VSIG1: variants seen among roughly 807,000 people sequenced by gnomAD.
The protein encoded by VSIG1 is V-set and immunoglobulin domain-containing protein 1.
A neutral mutation model predicts 20.1 loss-of-function variants in VSIG1; 11 were observed. That is an observed-to-expected ratio of 0.55 (90% CI 0.34 to 0.91). The LOEUF is 0.91. VSIG1 is among the 40% of genes least tolerant of loss of function. VSIG1 has a pLI of 0.02. For synonymous variants in VSIG1, 126 were observed against 116.7 expected (o/e 1.08, Z -0.52); for missense variants, 283 against 298.8 (o/e 0.95, Z 0.39).
At chrX:108,043,679 C>A (rs779601897), upstream of VSIG1, among the ~76,000 whole-genome samples, 2 of 111,611 alleles carry the variant, frequency 1.8e-5, no homozygotes, top group African/African-American at 6.5e-5. Context: ...CAGACATGAG[C>A]ATGGACAGGA....
intron 3 of VSIG1, among the ~76,000 whole-genome samples, chrX:108,067,758 G>A (rs1284215890): frequency 8.9e-6 from 1 of 112,277 alleles, no homozygotes; most frequent in East Asian, 2.8e-4. Flanking sequence ...TTACAGTGAT[G>A]GAGGTGTTGT....
At chrX:108,039,397 G>A in the VSIG1 span, among the ~76,000 whole-genome samples, 1 of 110,495 alleles carries the variant, frequency 9.1e-6, no homozygotes, top group South Asian at 3.9e-4. Flanking sequence ...GTTTCATCAC[G>A]TTGGCCAGGC....
chrX:108,068,544 GTC>G (rs1308189745), intron 3 of VSIG1, among the ~76,000 whole-genome samples: 17 of 111,675 alleles, frequency 1.5e-4, no homozygotes, highest in Non-Finnish European at 2.6e-4. Flanking sequence ...GAGGCAAGAT[GTC>G]TCACATGGCT....
At chrX:108,023,382 T>G in the VSIG1 span, among the ~76,000 whole-genome samples, 1 of 112,231 alleles carries the variant, frequency 8.9e-6, no homozygotes, top group African/African-American at 3.2e-5. Context: ...ATTTTGTGTC[T>G]ATATTCATAA....
the VSIG1 span, among the ~76,000 whole-genome samples, chrX:108,022,544 CT>C: frequency 1.8e-5 from 2 of 111,399 alleles, no homozygotes; most frequent in African/African-American, 6.5e-5. Context: ...CTTTCTTTTT[CT>C]TGTCTAATTT....
the VSIG1 span, among the ~76,000 whole-genome samples, chrX:108,023,458 T>C: frequency 8.9e-6 from 1 of 112,208 alleles, no homozygotes; most frequent in Non-Finnish European, 1.9e-5. Context: ...GCTGGCCTCA[T>C]AGAATGAATT....
intron 1 of VSIG1, among the ~76,000 whole-genome samples, chrX:108,047,965 T>TATATATATATATACAC (rs1569287456): frequency 0.026 from 488 of 18,663 alleles, 46 homozygotes; most frequent in Non-Finnish European, 0.039. Flanking sequence ...CACACACATA[T>TATATATATATATACAC]ATATATATAT....
In VSIG1 at chrX:108,077,353, A is replaced by G. The variant is rs2147937975; in HGVS notation, c.1136A>G (p.Glu379Gly). The G allele has an allele frequency of 2.5e-6, 3 of 1,211,906 alleles. No homozygotes were observed. The highest frequency in any genetic ancestry group is 3.4e-6 in the Non-Finnish European group (3 of 895,499). The change falls in exon 7 of 7, where the codon GAA becomes GGA. Residue 379 changes from glutamate to glycine, a missense_variant. By Grantham distance (98) the Glu-to-Gly change is moderately conservative (BLOSUM62 -2). Coordinates refer to ENST00000217957, the MANE Select transcript of VSIG1 (RefSeq NM_182607.5). The part of the protein sequence containing the change: ...EPGVVVEPLS[E>G]DEKGVVKA ...GGGGTTGTAGTTGAGCCCTTAAGTG[A>G]AGATGAAAAGGGAGTGGTTAAGGCA...
chrX:108,048,781 C>A (rs1392647267), intron 1 of VSIG1, among the ~76,000 whole-genome samples: 1 of 112,140 alleles, frequency 8.9e-6, no homozygotes, highest in African/African-American at 3.2e-5. Context: ...AAAGTCAGTT[C>A]CTCAGTTTCA....
intron 1 of VSIG1, among the ~76,000 whole-genome samples, chrX:108,047,973 T>TATATACAC (rs2030688820): frequency 1.2e-4 from 7 of 59,655 alleles, no homozygotes; most frequent in Non-Finnish European, 1.8e-4. Context: ...TATATATATA[T>TATATACAC]ATATATATAT....
upstream of VSIG1, among the ~76,000 whole-genome samples, chrX:108,040,753 C>T (rs1366140043): frequency 1.8e-5 from 2 of 111,956 alleles, no homozygotes; most frequent in Non-Finnish European, 3.8e-5. Context: ...TCTATAGATG[C>T]AGCTGGACCT....
intron 1 of VSIG1, among the ~76,000 whole-genome samples, chrX:108,052,216 C>T (rs1402719605): frequency 2.7e-5 from 3 of 110,853 alleles, no homozygotes; most frequent in South Asian, 7.7e-4. Context: ...AACTTATCCA[C>T]GTAACCAAAC....
At chrX:108,047,821 CAT>C (rs1206929017) in intron 1 of VSIG1, among the ~76,000 whole-genome samples, 1 of 43,900 alleles carries the variant, frequency 2.3e-5, no homozygotes, top group Non-Finnish European at 4.0e-5. Context: ...TATATATATA[CAT>C]ATATATACAC....
chrX:108,046,476 A>C (rs1461060936), intron 1 of VSIG1, among the ~76,000 whole-genome samples: 1 of 111,041 alleles, frequency 9.0e-6, no homozygotes, highest in East Asian at 2.8e-4. Flanking sequence ...CAGCCCTCTA[A>C]GATCATACCT....
intron 1 of VSIG1, among the ~76,000 whole-genome samples, chrX:108,055,236 C>G (rs1248707631): frequency 9.0e-6 from 1 of 111,239 alleles, no homozygotes; most frequent in African/African-American, 3.3e-5. Context: ...TCCAAAGCAG[C>G]AAACTACTAG....
At chrX:108,072,575 TAAAC>T in intron 3 of VSIG1, 98 bp from the exon 4 acceptor site, 1 of 870,641 alleles carries the variant, frequency 1.1e-6, no homozygotes, top group Non-Finnish European at 1.6e-6. Context: ...TAAAAATAAA[TAAAC>T]ACACATATTA....
At chrX:108,034,695 T>C in the VSIG1 span, among the ~76,000 whole-genome samples, 1 of 112,469 alleles carries the variant, frequency 8.9e-6, no homozygotes, top group South Asian at 3.7e-4. Context: ...ACTTATATAG[T>C]TTTTATAACA....
intron 2 of VSIG1, chrX:108,061,399 C>T: frequency 9.0e-7 from 1 of 1,113,807 alleles, no homozygotes; most frequent in Non-Finnish European, 1.2e-6. Flanking sequence ...ATTCAGCTCT[C>T]AGATCCACCC....
At chrX:108,025,536 C>A in the VSIG1 span, among the ~76,000 whole-genome samples, 1 of 112,143 alleles carries the variant, frequency 8.9e-6, no homozygotes, top group East Asian at 2.8e-4. Context: ...ACTGTGTGAT[C>A]TCAACCACAT....
Sources: allele counts gnomAD v4.1 joint callset (sites outside exome capture counted in the v4.1 genomes callset), GRCh38; gene constraint gnomAD v4.1.1; transcripts MANE v1.5; gene names NCBI Gene and HGNC (gene_info 2026-07-23, HGNC 2026-07-21).